The following SLC11A2 variants were observed in gnomAD, a reference collection of about 807,000 sequenced individuals.
SLC11A2 encodes the protein natural resistance-associated macrophage protein 2.
SLC11A2 carries 38 observed loss-of-function variants against 68.0 expected under a neutral mutation model. That is an observed-to-expected ratio of 0.56 (90% CI 0.43 to 0.73). The LOEUF (loss-of-function observed/expected upper bound fraction) is 0.73, where lower values mean the gene tolerates loss of function less well. SLC11A2 is among the 30% of genes least tolerant of loss of function. SLC11A2 has a pLI of 0.00. For missense variants in SLC11A2, 517 were observed against 690.5 expected (o/e 0.75, Z 2.82); for synonymous variants, 242 against 250.6 (o/e 0.97, Z 0.32).
intron 1 of SLC11A2, chr12:51,024,684 C>T (rs923766412): frequency 1.3e-5 from 2 of 152,260 alleles, no homozygotes; most frequent in African/African-American, 4.8e-5. Flanking sequence ...AAAGATCCTA[C>T]TTTGTAGATA....
At chr12:51,014,808 A>G (rs1450719418) in intron 1 of SLC11A2, among the ~76,000 whole-genome samples, 4 of 152,168 alleles carry the variant, frequency 2.6e-5, no homozygotes, top group Admixed American at 2.6e-4. Context: ...AGCCGAGATC[A>G]TGCCACTGAA....
chr12:51,022,939 G>C (rs1350878271), intron 1 of SLC11A2, among the ~76,000 whole-genome samples: 1 of 152,178 alleles, frequency 6.6e-6, no homozygotes, highest in Admixed American at 6.5e-5. Context: ...ACTTTAACCT[G>C]AAATTAAAAG....
At chr12:51,027,925 G>C (rs925333783), upstream of SLC11A2, among the ~76,000 whole-genome samples, 1 of 151,216 alleles carries the variant, frequency 6.6e-6, no homozygotes, top group East Asian at 1.9e-4. Context: ...AGTGGGGGGG[G>C]GGGGCTTGGC....
intron 1 of SLC11A2, among the ~76,000 whole-genome samples, chr12:51,022,329 T>C (rs1944098782): frequency 6.6e-6 from 1 of 150,682 alleles, no homozygotes; most frequent in African/African-American, 2.4e-5. Context: ...CTTAGCACTT[T>C]GGGAGGCTGA....
At chr12:50,993,111 C>G (rs449080) in intron 11 of SLC11A2, 182 bp from the exon 12 acceptor site, 1 of 634,560 alleles carries the variant, frequency 1.6e-6, no homozygotes, top group Admixed American at 2.3e-5. Flanking sequence ...AGCTTTCAGT[C>G]TAAACTTTAC....
At chr12:51,018,757 T>C (rs1348122859) in intron 1 of SLC11A2, among the ~76,000 whole-genome samples, 1 of 152,188 alleles carries the variant, frequency 6.6e-6, no homozygotes, top group African/African-American at 2.4e-5. Context: ...AGCAAGACCC[T>C]GTCTGTCATA....
At chr12:50,995,850 C>T in intron 9 of SLC11A2, 63 bp from the exon 10 acceptor site, 5 of 1,549,802 alleles carry the variant, frequency 3.2e-6, no homozygotes, top group Non-Finnish European at 4.5e-6. Context: ...TGTGACATTT[C>T]AGGAGTTTGG....
At chr12:50,961,989 T>G in the SLC11A2 span, among the ~76,000 whole-genome samples, 4 of 152,182 alleles carry the variant, frequency 2.6e-5, no homozygotes, top group Non-Finnish European at 5.9e-5. Flanking sequence ...AGACACTGTT[T>G]AGAAATATGA....
chr12:51,019,675 T>C (rs1271507981), intron 1 of SLC11A2, among the ~76,000 whole-genome samples: 1 of 150,236 alleles, frequency 6.7e-6, no homozygotes, highest in East Asian at 1.9e-4. Flanking sequence ...TGAGATAGTG[T>C]CTTGCTCTGT....
At chr12:50,991,891 C>T (rs1384494219) in intron 13 of SLC11A2, among the ~76,000 whole-genome samples, 1 of 152,214 alleles carries the variant, frequency 6.6e-6, no homozygotes, top group East Asian at 1.9e-4. Flanking sequence ...TTCTTAACCT[C>T]CACAGGACCT....
In SLC11A2 at chr12:51,026,358, C is replaced by G. The variant is rs1268439871; in HGVS notation, c.-87G>C. 7.8e-7 allele frequency: 1 copy of G among 1,282,426 alleles called. No homozygotes were observed. Among genetic ancestry groups the G allele is most frequent in the Non-Finnish European group, 1.0e-6 (1 of 984,928 alleles). 79.4% of individuals were successfully genotyped at this position (1,282,426 alleles called of 1,614,324 possible). ...ACACGCCGCCCCCGCGCCCAGGGCT[C>G]CATATTCCGGGAGCCAGCGCCACGC... On this transcript the variant is annotated 5_prime_UTR_variant, in exon 1 of 16. Transcript: ENST00000262052.
intron 4 of SLC11A2, 116 bp from the exon 5 acceptor site, chr12:51,005,023 G>T: frequency 8.0e-7 from 1 of 1,252,028 alleles, no homozygotes; most frequent in Non-Finnish European, 1.1e-6. Flanking sequence ...AAGAGCCCAG[G>T]TCAAGAATCA....
At chr12:50,953,832 G>C in the SLC11A2 span, 48 of 534,422 alleles carry the variant, frequency 9.0e-5, no homozygotes, top group African/African-American at 8.3e-4. Flanking sequence ...AAATTCGGTA[G>C]TGAAAAGTGT....
intron 1 of SLC11A2, among the ~76,000 whole-genome samples, chr12:51,023,798 C>T (rs1218453560): frequency 1.3e-5 from 2 of 152,096 alleles, no homozygotes; most frequent in Non-Finnish European, 2.9e-5. Context: ...CTCAAGACAA[C>T]CTGGGCAACC....
Position 50,988,189 on chromosome 12 carries a change from A to T in SLC11A2, c.*136T>A. On this transcript the variant is annotated 3_prime_UTR_variant, in exon 16 of 16. Coordinates refer to ENST00000262052, the MANE Select transcript of SLC11A2 (RefSeq NM_000617.3). ...TCCATCTTTCAAATACACATGAAAC[A>T]AAGTCTTTTCCAACCAACGGTTGAG... 5.8e-6 allele frequency: 9 copies of T among 1,549,624 alleles called. No homozygotes were observed. The highest frequency in any genetic ancestry group is 7.8e-6 in the Non-Finnish European group (9 of 1,148,242).
At chr12:51,012,608 A>G (rs1020287768) in intron 1 of SLC11A2, among the ~76,000 whole-genome samples, 2 of 152,148 alleles carry the variant, frequency 1.3e-5, no homozygotes, top group African/African-American at 4.8e-5. Context: ...CTTTCTATCT[A>G]CCAACATATT....
intron 1 of SLC11A2, among the ~76,000 whole-genome samples, chr12:51,018,433 A>C (rs558880435): frequency 6.6e-6 from 1 of 151,260 alleles, no homozygotes; most frequent in African/African-American, 2.4e-5. Flanking sequence ...AACTGCCCCT[A>C]AGAAAGTTTG....
chr12:50,986,603 T>C lies in SLC11A2; in HGVS notation c.*1722A>G. ...TTTTTGTCGTCAGTTTGGCCTTTCC[T>C]ACTGCAGCCAGGTGAGAGCTTAAGA... is the stretch of plus-strand genomic sequence containing the variant. On this transcript the variant is annotated 3_prime_UTR_variant, in exon 16 of 16. Coordinates refer to ENST00000262052, the MANE Select transcript of SLC11A2 (RefSeq NM_000617.3). 7.8e-7 allele frequency: 1 copy of C among 1,287,048 alleles called. No individual in the cohort carries two copies. The allele number at this position is 1,287,048 out of a possible 1,614,324, so 79.7% of individuals were successfully genotyped here.
chr12:50,993,991 C>CCAAAAAAAAAAAAAAAAA (rs1941445839), intron 11 of SLC11A2, among the ~76,000 whole-genome samples: 1 of 17,020 alleles, frequency 5.9e-5, no homozygotes, highest in Non-Finnish European at 1.2e-4. Context: ...GACCTTGTCT[C>CCAAAAAAAAAAAAAAAAA]CAAAAAAAAA....
Sources: allele counts gnomAD v4.1 joint callset (sites outside exome capture counted in the v4.1 genomes callset), GRCh38; gene constraint gnomAD v4.1.1; transcripts MANE v1.5; gene names NCBI Gene and HGNC (gene_info 2026-07-23, HGNC 2026-07-21).